The following FUT8 variants were observed in gnomAD, a reference collection of about 807,000 sequenced individuals.
FUT8 encodes the protein fucosyltransferase 8.
In FUT8, 29 loss-of-function variants were observed where a neutral mutation model predicts 71.3. That is an observed-to-expected ratio of 0.41 (90% CI 0.30 to 0.55). The LOEUF is 0.55. Among genes scored for constraint, FUT8 ranks in the 20% least tolerant of loss-of-function variants. The pLI, the probability that FUT8 is intolerant of heterozygous loss-of-function variation, is 0.34. For synonymous variants in FUT8, 254 were observed against 239.3 expected, an observed-to-expected ratio of 1.06 and a Z score of -0.57; for missense variants, 544 against 702.1, an observed-to-expected ratio of 0.77 and a Z score of 2.55.
At position 65,483,192 on chromosome 14, in the gene FUT8, C is replaced by G. The variant is rs2066357823; in HGVS notation, c.-228+27474C>G. Among the ~76,000 whole-genome samples the G allele has an allele frequency of 6.6e-6, 1 of 152,208 alleles. No individual in the cohort carries two copies. The highest frequency in any genetic ancestry group is 2.4e-5 in the African/African-American group (1 of 41,456). ...TTCTGCTGGTGCAGCACTACAGCAA[C>G]TTCCGTGCTATTCAGTGAGAGGACT... is the stretch of plus-strand genomic sequence containing the variant. On this transcript the variant is annotated intron_variant, in intron 2 of 10. Coordinates refer to ENST00000673929, the MANE Select transcript of FUT8 (RefSeq NM_001371533.1). This position sits in a 1 kb window ranked among gnomAD's most constrained non-coding sequence, Gnocchi z 4.4.
At chr14:65,606,446 A>C (rs1336984149) in intron 3 of FUT8, among the ~76,000 whole-genome samples, 1 of 151,854 alleles carries the variant, frequency 6.6e-6, no homozygotes, top group African/African-American at 2.4e-5. Flanking sequence ...CTTTTAAAAA[A>C]AAATCTTATT....
intron 7 of FUT8, among the ~76,000 whole-genome samples, chr14:65,693,863 T>G (rs2140452644): frequency 2.6e-5 from 4 of 152,372 alleles, no homozygotes; most frequent in African/African-American, 9.6e-5. Context: ...TCTATTTCTT[T>G]GATCAATATA....
At chr14:65,728,782 A>T (rs1368820066) in intron 9 of FUT8, among the ~76,000 whole-genome samples, 1 of 152,206 alleles carries the variant, frequency 6.6e-6, no homozygotes, top group Non-Finnish European at 1.5e-5. Flanking sequence ...AAGCTATTCC[A>T]TATAGCCTAG....
chr14:65,390,538 T>A, the FUT8 span, among the ~76,000 whole-genome samples: 1 of 151,844 alleles, frequency 6.6e-6, no homozygotes, highest in Non-Finnish European at 1.5e-5. Context: ...ATACATAAAT[T>A]GACTTTTTTC....
At chr14:65,450,390 T>C (rs1239599743) in intron 1 of FUT8, among the ~76,000 whole-genome samples, 1 of 152,202 alleles carries the variant, frequency 6.6e-6, no homozygotes, top group East Asian at 1.9e-4. Context: ...TCTATAGGTA[T>C]TCTGTTTCTC....
At chr14:65,455,991 A>AATGCG (rs1363808287) in intron 2 of FUT8, among the ~76,000 whole-genome samples, 14 of 152,232 alleles carry the variant, frequency 9.2e-5, no homozygotes, top group Non-Finnish European at 1.9e-4. Flanking sequence ...GTTGTGGTTG[A>AATGCG]ATGCGGTACA....
chr14:65,391,341 C>T, the FUT8 span, among the ~76,000 whole-genome samples: 1 of 151,996 alleles, frequency 6.6e-6, no homozygotes, highest in Non-Finnish European at 1.5e-5. Flanking sequence ...TTACACCCAC[C>T]CAGTGGAGAT....
chr14:65,640,405 G>A (rs1890770685), intron 6 of FUT8, among the ~76,000 whole-genome samples: 2 of 151,926 alleles, frequency 1.3e-5, no homozygotes, highest in African/African-American at 2.4e-5. Context: ...TCTCTTAAGC[G>A]TTTAACATTC....
At chr14:65,426,167 C>T (rs1303714523) in intron 1 of FUT8, among the ~76,000 whole-genome samples, 1 of 152,004 alleles carries the variant, frequency 6.6e-6, no homozygotes, top group Non-Finnish European at 1.5e-5. Flanking sequence ...TCTATGAGTT[C>T]ACCTTTTTTA....
At chr14:65,667,432 A>G (rs1005809140) in intron 6 of FUT8, among the ~76,000 whole-genome samples, 2 of 152,158 alleles carry the variant, frequency 1.3e-5, no homozygotes, top group African/African-American at 2.4e-5. Context: ...AATTGCCACA[A>G]AAAGAATAAA....
intron 7 of FUT8, among the ~76,000 whole-genome samples, chr14:65,692,334 C>A (rs572648006): frequency 0.011 from 1,524 of 144,576 alleles, 9 homozygotes; most frequent in African/African-American, 0.038. Flanking sequence ...ACCTCCCAGA[C>A]GGGGCGGCTG....
At chr14:65,531,355 G>C (rs1883944936) in intron 2 of FUT8, among the ~76,000 whole-genome samples, 1 of 151,916 alleles carries the variant, frequency 6.6e-6, no homozygotes, top group Non-Finnish European at 1.5e-5. Flanking sequence ...ATATGTCTAT[G>C]CTATTCTTAG....
the FUT8 span, among the ~76,000 whole-genome samples, chr14:65,394,724 T>G: frequency 6.7e-6 from 1 of 149,492 alleles, no homozygotes; most frequent in Non-Finnish European, 1.5e-5. Context: ...CCCATGCAAG[T>G]CCAAAATCCA....
the FUT8 span, among the ~76,000 whole-genome samples, chr14:65,371,815 T>G: frequency 6.6e-6 from 1 of 152,194 alleles, no homozygotes; most frequent in South Asian, 2.1e-4. Flanking sequence ...AACAATTAAG[T>G]TTAGAAGCCG....
intron 1 of FUT8, among the ~76,000 whole-genome samples, chr14:65,443,808 A>G (rs1418444707): frequency 6.6e-6 from 1 of 152,112 alleles, no homozygotes; most frequent in Non-Finnish European, 1.5e-5. Flanking sequence ...CATTTGACTT[A>G]ATATTGGTAT....
In FUT8 at chr14:65,627,538, T is replaced by A. The variant is rs1345380613; in HGVS notation, c.483-1954T>A. Among the ~76,000 whole-genome samples the A allele has an allele frequency of 6.6e-6, 1 of 152,248 alleles. No homozygotes were observed. The highest frequency in any genetic ancestry group is 2.4e-5 in the African/African-American group (1 of 41,472). ...GCTATGGTTCCGGGGTTTGCATTTC[T>A]TCTTACCTGATTTTTCCTTGGGGCA... On this transcript the variant is annotated intron_variant, in intron 5 of 10. Coordinates refer to ENST00000673929, the MANE Select transcript of FUT8 (RefSeq NM_001371533.1). The surrounding 1 kb of genome is among the most constrained non-coding windows in gnomAD (Gnocchi z 4.0).
chr14:65,557,781 T>G (rs2140029254), intron 2 of FUT8, among the ~76,000 whole-genome samples: 1 of 152,260 alleles, frequency 6.6e-6, no homozygotes, highest in South Asian at 2.1e-4. Context: ...TATAAATTCT[T>G]GAAAGCCCAC....
chr14:65,493,514 T>C (rs2066514279), intron 2 of FUT8, among the ~76,000 whole-genome samples: 1 of 152,162 alleles, frequency 6.6e-6, no homozygotes, highest in Non-Finnish European at 1.5e-5. Context: ...TAATGGTTAA[T>C]AATTCTTAGC....
At chr14:65,632,687 G>A (rs1414163328) in intron 6 of FUT8, among the ~76,000 whole-genome samples, 2 of 152,074 alleles carry the variant, frequency 1.3e-5, no homozygotes, top group South Asian at 4.1e-4. Context: ...TCTGCTGACT[G>A]TTCCTTTTGC....
Sources: allele counts gnomAD v4.1 joint callset (sites outside exome capture counted in the v4.1 genomes callset), GRCh38; gene constraint gnomAD v4.1.1; non-coding constraint Gnocchi (gnomAD v3.1); transcripts MANE v1.5; gene names NCBI Gene and HGNC (gene_info 2026-07-23, HGNC 2026-07-21).